Variants in PKHD1L1 observed in about 807,000 individuals in gnomAD.
PKHD1L1 encodes PKHD1 like 1.
Under a neutral mutation model 462.9 loss-of-function variants are expected in PKHD1L1, and 434 were observed. The ratio of observed to expected loss-of-function variants is 0.94; its 90% CI spans 0.87 to 1.02. PKHD1L1 has a LOEUF of 1.02. PKHD1L1 is among the 50% of genes least tolerant of loss of function. The pLI is 0.00. For synonymous variants in PKHD1L1, 1,781 were observed against 1,750.0 expected, an observed-to-expected ratio of 1.02 and a Z score of -0.44; for missense variants, 5,202 against 5,096.1, an observed-to-expected ratio of 1.02 and a Z score of -0.63.
At chr8:109,465,503 A>G (rs1175466405) in intron 49 of PKHD1L1, among the ~76,000 whole-genome samples, 3 of 152,152 alleles carry the variant, frequency 2.0e-5, no homozygotes, top group Non-Finnish European at 4.4e-5. Context: ...ATTAACAGAA[A>G]ATTTTGGGCA....
chr8:109,393,826 A>T (rs1235383488), intron 9 of PKHD1L1, among the ~76,000 whole-genome samples: 2 of 152,230 alleles, frequency 1.3e-5, no homozygotes, highest in African/African-American at 4.8e-5. Flanking sequence ...GGAAGATCCC[A>T]GCCTTTATAA....
chr8:109,451,035 C>T lies in PKHD1L1; in HGVS notation c.6236C>T (p.Ser2079Phe). The T allele has an allele frequency of 1.9e-6, 3 of 1,613,844 alleles. No individual in the cohort carries two copies. Among genetic ancestry groups the T allele is most frequent in the Non-Finnish European group, 2.5e-6 (3 of 1,179,790 alleles). ...SVVNGKDLSQ[S>F]MTPFTYAVSL... is the part of the protein sequence containing the mutation. ...GTTAATGGGAAAGATTTGTCACAGTCCATGACTCCGTTTACGTACGCAGTG... is the reference window on the plus strand; with the variant it reads ...GTTAATGGGAAAGATTTGTCACAGTTCATGACTCCGTTTACGTACGCAGTG... The change falls in exon 41 of 78, where the codon TCC (serine) becomes TTC (phenylalanine). Residue 2079 changes from serine (S) to phenylalanine (F), a missense_variant. Transcript: ENST00000378402.
chr8:109,505,186 AT>A (rs1417694380), intron 68 of PKHD1L1, among the ~76,000 whole-genome samples: 1 of 151,910 alleles, frequency 6.6e-6, no homozygotes, highest in Admixed American at 6.6e-5. Context: ...CACACACACA[AT>A]TTTTTTGTTT....
chr8:109,462,096 C>T (rs575666682), intron 48 of PKHD1L1, among the ~76,000 whole-genome samples, 188 bp downstream of exon 48: 2 of 152,242 alleles, frequency 1.3e-5, no homozygotes, highest in Non-Finnish European at 2.9e-5. Flanking sequence ...TCTCACACCT[C>T]GAATCGAATT....
chr8:109,412,376 C>A lies in PKHD1L1; in HGVS notation c.2197C>A (p.Arg733=). The change falls in exon 20 of 78, where the codon CGA becomes AGA. Residue 733 remains arginine, a synonymous_variant. Coordinates refer to ENST00000378402, the MANE Select transcript of PKHD1L1 (RefSeq NM_177531.6). ...CTCAGCAGATGTTAAACCAAACAGACGACCATATGGAGATATTTTATTGTT... is the reference window on the plus strand; with the variant it reads ...CTCAGCAGATGTTAAACCAAACAGAAGACCATATGGAGATATTTTATTGTT... ...FDSADVKPNR[R]PYGDILLFPY... The A allele has an allele frequency of 6.2e-7, 1 of 1,613,224 alleles. No homozygotes were observed. The highest frequency in any genetic ancestry group is 1.7e-5 in the Admixed American group (1 of 59,974).
chr8:109,445,027 C>G lies in PKHD1L1; in HGVS notation c.5158C>G (p.Gln1720Glu), dbSNP rs1327214600. The G allele has an allele frequency of 1.9e-6, 3 of 1,613,982 alleles. No homozygotes were observed. Among genetic ancestry groups the G allele is most frequent in the Non-Finnish European group, 2.5e-6 (3 of 1,179,876 alleles). ...ATGTGAAACATCCCCTGCTGCCCAACAGCTTGTGGATGTAGATCTTCTAAT... is the reference window on the plus strand; with the variant it reads ...ATGTGAAACATCCCCTGCTGCCCAAGAGCTTGTGGATGTAGATCTTCTAAT... ...IECETSPAAQ[Q>E]LVDVDLLIHG... The change falls in exon 38 of 78, where the codon CAG becomes GAG. Residue 1720 changes from glutamine (Q) to glutamate (E), a missense_variant. This residue lies in a region of PKHD1L1 where 4,497 missense variants were observed against 4,336.8 expected (regional missense o/e 1.04). Coordinates refer to ENST00000378402, the MANE Select transcript of PKHD1L1 (RefSeq NM_177531.6).
At position 109,429,368 on chromosome 8, in the gene PKHD1L1, A is replaced by G; in HGVS notation, c.3029A>G (p.Lys1010Arg). ...AATGATTCCAACATTATTGGAGAAA[A>G]GGCTAATATGACAGTTACAAGGATA... Reference protein sequence around the residue: ...QINDSNIIGEKANMTVTRIKE... With the variant: ...QINDSNIIGERANMTVTRIKE... The change falls in exon 26 of 78, where the codon AAG (lysine) becomes AGG (arginine). Residue 1010 changes from lysine to arginine, a missense_variant. Lys to Arg is a conservative substitution (Grantham distance 26). Transcript: ENST00000378402. 6.5e-7 allele frequency: 1 copy of G among 1,543,896 alleles called. No homozygotes were observed. The highest frequency in any genetic ancestry group is 8.9e-7 in the Non-Finnish European group (1 of 1,127,444).
chr8:109,431,236 T>A (rs1251930460), intron 27 of PKHD1L1, among the ~76,000 whole-genome samples: 1 of 152,152 alleles, frequency 6.6e-6, no homozygotes, highest in Non-Finnish European at 1.5e-5. Context: ...TTACCCAATA[T>A]AACAATCTGA....
chr8:109,491,321 A>G (rs147434112), intron 61 of PKHD1L1, among the ~76,000 whole-genome samples: 228 of 151,936 alleles, frequency 1.5e-3, no homozygotes, highest in African/African-American at 5.4e-3. Flanking sequence ...TTTAATTTTA[A>G]TGGTACATAA....
intron 25 of PKHD1L1, 101 bp from the exon 26 acceptor site, chr8:109,429,239 G>A (rs1053762206): frequency 3.3e-5 from 34 of 1,019,396 alleles, no homozygotes; most frequent in Non-Finnish European, 4.5e-5. Context: ...TACATTCTTT[G>A]ACTTTTATTC....
In PKHD1L1 at chr8:109,498,734, G is replaced by T. The variant is rs372291480; in HGVS notation, c.10791G>T (p.Met3597Ile). 3.6e-5 allele frequency: 58 copies of T among 1,613,894 alleles called. No individual in the cohort carries two copies. In the African/African-American group the frequency reaches 7.1e-4, roughly 20 times the overall value. The change falls in exon 67 of 78, where the codon ATG (methionine) becomes ATT (isoleucine). Residue 3597 changes from methionine to isoleucine, a missense_variant. By Grantham distance (10) the Met-to-Ile change is conservative (BLOSUM62 1). This residue lies in a region of PKHD1L1 where 4,497 missense variants were observed against 4,336.8 expected (regional missense o/e 1.04). Coordinates refer to ENST00000378402, the MANE Select transcript of PKHD1L1 (RefSeq NM_177531.6). ...CCCGAAAGCCCCATGCAGGAATCAT[G>T]AGTTACAATGCCATCAGTGGCCTTT... The part of the protein sequence containing the change: ...MAPRKPHAGI[M>I]SYNAISGLLD...
chr8:109,362,809 G>A (rs1349042488), intron 1 of PKHD1L1, among the ~76,000 whole-genome samples, 156 bp downstream of exon 1: 1 of 152,116 alleles, frequency 6.6e-6, no homozygotes, highest in Non-Finnish European at 1.5e-5. Context: ...GAGCTGGATA[G>A]CAGGCCTAGC....
In PKHD1L1 at chr8:109,448,444, T is replaced by C. The variant is rs529654644; in HGVS notation, c.6025+53T>C. On this transcript the variant is annotated intron_variant, in intron 39 of 77. Coordinates refer to ENST00000378402, the MANE Select transcript of PKHD1L1 (RefSeq NM_177531.6). ...GATATTTTGTTTCAGTAAACACTTATTTAGAAACCTTATTTAGAAAATAAT... is the reference window on the plus strand; with the variant it reads ...GATATTTTGTTTCAGTAAACACTTACTTAGAAACCTTATTTAGAAAATAAT... The C allele has an allele frequency of 1.9e-5, 28 of 1,481,476 alleles. No homozygotes were observed. In the African/African-American group the frequency reaches 2.1e-4, roughly 11 times the overall value. The allele number at this position is 1,481,476 out of a possible 1,614,324, so 91.8% of individuals were successfully genotyped here. A position where few individuals can be genotyped will look rare whatever the true frequency, so the allele number is the denominator to read the frequency against.
chr8:109,408,621 T>C (rs1813685107), intron 18 of PKHD1L1, among the ~76,000 whole-genome samples: 1 of 152,224 alleles, frequency 6.6e-6, no homozygotes, highest in Non-Finnish European at 1.5e-5. Context: ...ATTTTATTGA[T>C]GTATTTTTAT....
chr8:109,377,514 C>T (rs28436791), intron 2 of PKHD1L1, among the ~76,000 whole-genome samples: 37,800 of 151,842 alleles, frequency 0.25, 5,378 homozygotes, highest in African/African-American at 0.39. Context: ...ATAATACTAC[C>T]GGTTAATTTG....
At chr8:109,523,479 G>A in intron 76 of PKHD1L1, 93 bp downstream of exon 76, 1 of 1,232,188 alleles carries the variant, frequency 8.1e-7, no homozygotes, top group Non-Finnish European at 1.1e-6. Context: ...GTAACACTCT[G>A]GTCAATAAAT....
intron 7 of PKHD1L1, 68 bp downstream of exon 7, chr8:109,388,618 T>C: frequency 9.3e-7 from 1 of 1,070,430 alleles, no homozygotes; most frequent in Non-Finnish European, 1.4e-6. Context: ...ATTTAAATAG[T>C]AATTGCTACC....
chr8:109,476,244 T>C (rs1000924761), intron 51 of PKHD1L1, among the ~76,000 whole-genome samples: 1 of 151,846 alleles, frequency 6.6e-6, no homozygotes, highest in African/African-American at 2.4e-5. Flanking sequence ...ATGTGTATAC[T>C]TAATGTATAT....
intron 18 of PKHD1L1, among the ~76,000 whole-genome samples, chr8:109,408,979 G>A (rs978404201): frequency 6.6e-6 from 1 of 152,172 alleles, no homozygotes; most frequent in African/African-American, 2.4e-5. Flanking sequence ...TATCTCCATA[G>A]GGGGCAGCCA....
Sources: gnomAD v4.1 joint callset for allele counts (sites outside exome capture counted in the v4.1 genomes callset) on GRCh38, gnomAD v4.1.1 for gene constraint, gnomAD v4.1.1 regional missense constraint, MANE v1.5 for transcripts, NCBI Gene and HGNC (gene_info 2026-07-23, HGNC 2026-07-21) for gene names.